Variants in RYR1 observed in about 807,000 individuals in gnomAD.
The protein encoded by RYR1 is central core disease of muscle.
A neutral mutation model predicts 583.5 loss-of-function variants in RYR1; 342 were observed. That is an observed-to-expected ratio of 0.59 (90% CI 0.54 to 0.64). The LOEUF (loss-of-function observed/expected upper bound fraction) is 0.64, where lower values mean the gene tolerates loss of function less well. RYR1 is among the 30% of genes least tolerant of loss of function. The probability of loss-of-function intolerance (pLI) is 0.00; values close to 1 mark genes in which losing one functional copy is unlikely to be tolerated. For synonymous variants in RYR1, 2,791 were observed against 2,822.5 expected (o/e 0.99, Z 0.35); for missense variants, 6,032 against 6,917.2 (o/e 0.87, Z 4.54).
chr19:38,440,721 A>G lies in RYR1; in HGVS notation c.46-24A>G, dbSNP rs1327751586. ...TGGTATCCGGGCCAGGCCCCCCTGG[A>G]GACGCTGCCCCTCGGTTCCGCAGGA... On this transcript the variant is annotated intron_variant, in intron 1 of 105. Coordinates refer to ENST00000359596, the MANE Select transcript of RYR1 (RefSeq NM_000540.3). 3.1e-6 allele frequency: 5 copies of G among 1,603,306 alleles called. 1 individual carries two copies. In the Admixed American group the frequency reaches 6.7e-5, roughly 21 times the overall value.
rs140823211 is a variant in RYR1, at chr19:38,539,892, C to CCAATTTAAATTAACACAATTTAATTTAA, written c.11689+1951_11689+1978dup. Among the ~76,000 whole-genome samples, 5 of 151,956 alleles carry CCAATTTAAATTAACACAATTTAATTTAA rather than the reference C, an allele frequency of 3.3e-5. 1 individual carries two copies. The highest frequency in any genetic ancestry group is 9.7e-5 in the African/African-American group (4 of 41,442). Reference sequence around the variant, plus strand: ...TGTATCTTTTATTTTTGCATATAGCCCAATTTAAATTAACACAATTTAATT... The same window carrying CCAATTTAAATTAACACAATTTAATTTAA: ...TGTATCTTTTATTTTTGCATATAGCCCAATTTAAATTAACACAATTTAATTTAACAATTTAAATTAACACAATTTAATT... On this transcript the variant is annotated intron_variant, in intron 84 of 105. Transcript: ENST00000359596.
At chr19:38,559,708 C>A (rs1219040263) in intron 89 of RYR1, among the ~76,000 whole-genome samples, 1 of 152,108 alleles carries the variant, frequency 6.6e-6, no homozygotes, top group Non-Finnish European at 1.5e-5. Flanking sequence ...AAGCATTTTG[C>A]AAAGTTCTGG....
At chr19:38,567,332 G>GA (rs201068971) in intron 92 of RYR1, among the ~76,000 whole-genome samples, 23 of 150,526 alleles carry the variant, frequency 1.5e-4, no homozygotes, top group African/African-American at 3.9e-4. Context: ...TGTCGAAAAA[G>GA]AAAAAAAAAT....
chr19:38,517,327 TG>T, intron 65 of RYR1, 31 bp from the exon 66 acceptor site: 1 of 1,606,316 alleles, frequency 6.2e-7, no homozygotes, highest in African/African-American at 1.3e-5. Flanking sequence ...GGTGATGGCT[TG>T]ACATTCCCTG....
intron 78 of RYR1, 124 bp from the exon 79 acceptor site, chr19:38,534,596 C>A: frequency 1.2e-6 from 1 of 803,930 alleles, no homozygotes; most frequent in Non-Finnish European, 2.1e-6. Flanking sequence ...ATGGAGGGAG[C>A]TCATGGTTGA....
At chr19:38,480,204 G>A (rs1200121530) in intron 31 of RYR1, among the ~76,000 whole-genome samples, 6 of 151,684 alleles carry the variant, frequency 4.0e-5, no homozygotes, top group African/African-American at 7.3e-5. Flanking sequence ...GTGCAGTGGC[G>A]CAATCTCGAC....
intron 67 of RYR1, among the ~76,000 whole-genome samples, chr19:38,520,110 C>G (rs959383708): frequency 7.5e-6 from 1 of 133,374 alleles, no homozygotes; most frequent in Non-Finnish European, 1.6e-5. Context: ...GGGTCTCTCT[C>G]TGTTGCCCAG....
chr19:38,572,682 G>C (rs1372181298), intron 95 of RYR1, among the ~76,000 whole-genome samples: 1 of 151,886 alleles, frequency 6.6e-6, no homozygotes, highest in East Asian at 1.9e-4. Flanking sequence ...CCCTTGGGAA[G>C]CCCCAGGTGG....
intron 72 of RYR1, 70 bp downstream of exon 72, chr19:38,527,122 G>A (rs1971500967): frequency 2.6e-6 from 4 of 1,551,684 alleles, no homozygotes; most frequent in Admixed American, 1.7e-5. Context: ...GAAGGTTTGA[G>A]CATTTACCAA....
Position 38,499,130 on chromosome 19 carries a change from G to C in RYR1, c.6914G>C (p.Cys2305Ser). Residue 2305 changes from cysteine to serine, a missense_variant, in exon 43 of 106, where the codon TGT becomes TCT. Around this residue, in one of 11 missense-constraint regions of RYR1, gnomAD observed 2,627 missense variants for 2,961.3 expected, o/e 0.89. Coordinates refer to ENST00000359596, the MANE Select transcript of RYR1 (RefSeq NM_000540.3). This position sits in a 1 kb window ranked among gnomAD's most constrained non-coding sequence, Gnocchi z 7.3. ...CAGGTTGTGTCCTACCTGGCAGGCT[G>C]TGGCCTCCAGAGCTGCCCCATGCTT... ...LEKVVSYLAG[C>S]GLQSCPMLVA... The C allele has an allele frequency of 1.9e-6, 3 of 1,614,184 alleles. No homozygotes were observed. Among genetic ancestry groups the C allele is most frequent in the Non-Finnish European group, 2.5e-6 (3 of 1,180,026 alleles).
rs1568464162 is a variant in RYR1, at chr19:38,468,091, TCCAA to T, written c.3381+283_3381+286del. On this transcript the variant is annotated intron_variant, in intron 25 of 105. Transcript: ENST00000359596. ...ATCCATCCATCCATCCATCCATCCATCCAACCATCCATCCAGCTAACCAACCATC... is the reference window on the plus strand; with the variant it reads ...ATCCATCCATCCATCCATCCATCCATCCATCCATCCAGCTAACCAACCATC... Among the ~76,000 whole-genome samples, 4 of 143,994 alleles carry T rather than the reference TCCAA, an allele frequency of 2.8e-5. No homozygotes were observed. The South Asian group carries it at 6.7e-4, about 24-fold the overall frequency. The allele number at this position is 143,994 out of a possible 152,430, so 94.5% of individuals were successfully genotyped here.
intron 67 of RYR1, among the ~76,000 whole-genome samples, chr19:38,522,731 C>T (rs1257557528): frequency 2.6e-5 from 4 of 152,024 alleles, no homozygotes; most frequent in African/African-American, 7.2e-5. Context: ...GGGTGGATCA[C>T]GTAAGGTCAA....
In RYR1 at chr19:38,486,197, C is replaced by T. The variant is rs1366675079; in HGVS notation, c.5542C>T (p.Leu1848=). ...FVPVLKLVST[L]LVMGIFGDED... ...GCCTGTGCTCAAGCTCGTGTCCACC[C>T]TGCTGGTAATGGCTTCCTCCTGCTT... The change falls in exon 34 of 106, where the codon CTG becomes TTG. Residue 1848 remains leucine (L), a synonymous_variant. Coordinates refer to ENST00000359596, the MANE Select transcript of RYR1 (RefSeq NM_000540.3). 8 of 1,612,778 alleles carry T rather than the reference C, an allele frequency of 5.0e-6. No homozygotes were observed. In the Admixed American group the frequency reaches 1.0e-4, roughly 20 times the overall value.
rs540440519 is a variant in RYR1, at chr19:38,496,594, C to T, written c.6796+53C>T. On this transcript the variant is annotated intron_variant, in intron 41 of 105. Coordinates refer to ENST00000359596, the MANE Select transcript of RYR1 (RefSeq NM_000540.3). This position sits in a 1 kb window ranked among gnomAD's most constrained non-coding sequence, Gnocchi z 4.8. Reference sequence around the variant, plus strand: ...CCCCCAGAACCCACTCCTGGCACCCCGTCCAGGCCTGCCCCACTTTCCACC... The same window carrying T: ...CCCCCAGAACCCACTCCTGGCACCCTGTCCAGGCCTGCCCCACTTTCCACC... 62 of 1,604,266 alleles carry T rather than the reference C, an allele frequency of 3.9e-5. No homozygotes were observed. Among genetic ancestry groups the T allele is most frequent in the East Asian group, 1.3e-4 (6 of 44,834 alleles).
chr19:38,468,044 TCCATCATCCATCCATCCATCCATC>T lies in RYR1; in HGVS notation c.3381+234_3381+257del, dbSNP rs1315440607. Among the ~76,000 whole-genome samples the T allele has an allele frequency of 5.2e-3, 729 of 139,950 alleles. 3 individuals carry two copies. Among genetic ancestry groups the T allele is most frequent in the African/African-American group, 0.018 (676 of 37,370 alleles). The allele number at this position is 139,950 out of a possible 152,430, so 91.8% of individuals were successfully genotyped here. A position where few individuals can be genotyped will look rare whatever the true frequency, so the allele number is the denominator to read the frequency against. Reference sequence around the variant, plus strand: ...AACAATTCATCCATCCATCCATCCATCCATCATCCATCCATCCATCCATCCATCCATCCATCCATCCATCCATCC... The same window carrying T: ...AACAATTCATCCATCCATCCATCCATCATCCATCCATCCATCCATCCATCC... On this transcript the variant is annotated intron_variant, in intron 25 of 105. Coordinates refer to ENST00000359596, the MANE Select transcript of RYR1 (RefSeq NM_000540.3).
intron 31 of RYR1, among the ~76,000 whole-genome samples, chr19:38,480,361 C>G (rs1199985429): frequency 1.3e-5 from 2 of 151,940 alleles, no homozygotes; most frequent in Non-Finnish European, 2.9e-5. Flanking sequence ...CCAGGCTGGT[C>G]TCAAACTCTT....
At chr19:38,528,537 A>C in intron 74 of RYR1, 62 bp from the exon 75 acceptor site, 1 of 1,601,496 alleles carries the variant, frequency 6.2e-7, no homozygotes, top group Non-Finnish European at 8.6e-7. Flanking sequence ...CTGCAGGCGC[A>C]TGGGAGGTCG....
At chr19:38,494,852 CCT>C (rs1969739037) in intron 39 of RYR1, among the ~76,000 whole-genome samples, 3 of 142,114 alleles carry the variant, frequency 2.1e-5, no homozygotes, top group Non-Finnish European at 4.5e-5. Context: ...CCCACCCCCC[CCT>C]TTTTTTTTTT....
chr19:38,457,780 C>T (rs73044990), intron 17 of RYR1, 150 bp downstream of exon 17: 2 of 861,362 alleles, frequency 2.3e-6, no homozygotes, highest in East Asian at 5.2e-5. Flanking sequence ...TGGCCCCACT[C>T]TCCCTTGGCA....
Sources: allele counts gnomAD v4.1 joint callset (sites outside exome capture counted in the v4.1 genomes callset), GRCh38; gene constraint gnomAD v4.1.1; regional missense constraint gnomAD v4.1.1; non-coding constraint Gnocchi (gnomAD v3.1); transcripts MANE v1.5; gene names NCBI Gene and HGNC (gene_info 2026-07-23, HGNC 2026-07-21).